GRIP1: variants seen among roughly 807,000 people sequenced by gnomAD.
The protein encoded by GRIP1 is glutamate receptor interacting protein 1.
Under a neutral mutation model 129.9 loss-of-function variants are expected in GRIP1, and 45 were observed. The ratio of observed to expected loss-of-function variants is 0.35; its 90% CI spans 0.27 to 0.44. GRIP1 has a LOEUF of 0.44. GRIP1 is among the 20% of genes least tolerant of loss of function. The pLI, the probability that GRIP1 is intolerant of heterozygous loss-of-function variation, is 1.00. For synonymous variants in GRIP1, 530 were observed against 520.8 expected, an observed-to-expected ratio of 1.02 and a Z score of -0.24; for missense variants, 1,196 against 1,396.8, an observed-to-expected ratio of 0.86 and a Z score of 2.29.
intron 1 of GRIP1, among the ~76,000 whole-genome samples, chr12:66,984,886 C>T (rs1366259308): frequency 2.0e-5 from 3 of 152,200 alleles, no homozygotes; most frequent in African/African-American, 7.2e-5. Context: ...TTTTAAACTA[C>T]AGCAACCATT....
chr12:66,526,257 C>G (rs1344002998), intron 5 of GRIP1, among the ~76,000 whole-genome samples: 7 of 151,030 alleles, frequency 4.6e-5, no homozygotes, highest in African/African-American at 1.7e-4. Context: ...CTGGAGGCAT[C>G]AAGCTACCTG....
At chr12:67,023,782 G>A (rs1447587473) in intron 1 of GRIP1, among the ~76,000 whole-genome samples, 1 of 152,092 alleles carries the variant, frequency 6.6e-6, no homozygotes, top group East Asian at 1.9e-4. Context: ...CAATGCCCCA[G>A]GCTCCAGCGG....
intron 1 of GRIP1, among the ~76,000 whole-genome samples, chr12:66,733,768 A>C (rs1443799264): frequency 6.6e-6 from 1 of 152,242 alleles, no homozygotes; most frequent in Non-Finnish European, 1.5e-5. Context: ...AATGGATATG[A>C]CATCCCACTG....
chr12:67,008,749 G>A (rs992174745), intron 1 of GRIP1, among the ~76,000 whole-genome samples: 1 of 152,120 alleles, frequency 6.6e-6, no homozygotes, highest in East Asian at 1.9e-4. Flanking sequence ...AAGTGCTAAA[G>A]AAACTATAGA....
intron 5 of GRIP1, among the ~76,000 whole-genome samples, chr12:66,521,995 C>A (rs1394205216): frequency 6.6e-6 from 1 of 152,224 alleles, no homozygotes; most frequent in Non-Finnish European, 1.5e-5. Flanking sequence ...GTAAACAAAG[C>A]AGCTGGGAAG....
intron 11 of GRIP1, among the ~76,000 whole-genome samples, chr12:66,450,765 TAA>T (rs774043086): frequency 1.3e-5 from 2 of 152,124 alleles, no homozygotes; most frequent in East Asian, 1.9e-4. Flanking sequence ...GTTACACATA[TAA>T]AAGTTTTGAA....
intron 1 of GRIP1, among the ~76,000 whole-genome samples, chr12:66,809,373 T>C (rs2039059080): frequency 6.6e-6 from 1 of 152,218 alleles, no homozygotes; most frequent in South Asian, 2.1e-4. Flanking sequence ...ACACACAGTC[T>C]ATAAGAGAAA....
At chr12:67,045,115 C>T (rs1712272430) in intron 1 of GRIP1, among the ~76,000 whole-genome samples, 2 of 152,178 alleles carry the variant, frequency 1.3e-5, no homozygotes, top group Admixed American at 6.5e-5. Context: ...GAAAATGTAA[C>T]ACAGCACATT....
chr12:67,064,092 G>A (rs1040910445), intron 1 of GRIP1, among the ~76,000 whole-genome samples: 5 of 152,168 alleles, frequency 3.3e-5, no homozygotes, highest in Admixed American at 3.3e-4. Flanking sequence ...TACTTAAAAT[G>A]TAGTCAAATA....
intron 7 of GRIP1, among the ~76,000 whole-genome samples, chr12:66,496,460 A>T (rs779752967): frequency 2.6e-5 from 4 of 152,212 alleles, no homozygotes; most frequent in Admixed American, 6.5e-5. Context: ...GTTATCTAAA[A>T]TAGGAGGGCT....
chr12:66,578,418 T>C (rs761491576), intron 2 of GRIP1, among the ~76,000 whole-genome samples: 11 of 151,812 alleles, frequency 7.2e-5, no homozygotes, highest in Non-Finnish European at 1.5e-4. Context: ...GGTCAGTGGG[T>C]GCAGCGCACC....
intron 2 of GRIP1, among the ~76,000 whole-genome samples, chr12:66,542,958 TA>T (rs2061832738): frequency 6.6e-6 from 1 of 152,282 alleles, no homozygotes; most frequent in South Asian, 2.1e-4. Context: ...AAGTGAAATT[TA>T]AAAAAAGATT....
upstream of GRIP1, among the ~76,000 whole-genome samples, chr12:66,681,446 G>A (rs1250885324): frequency 6.6e-6 from 1 of 152,088 alleles, no homozygotes; most frequent in Admixed American, 6.6e-5. Flanking sequence ...CGATCTGTAG[G>A]ATGAAGGTCT....
chr12:66,475,479 C>T (rs1379722072), intron 7 of GRIP1, among the ~76,000 whole-genome samples: 1 of 152,154 alleles, frequency 6.6e-6, no homozygotes, highest in Admixed American at 6.5e-5. Context: ...CCAAGCAGAC[C>T]TAACAGACAT....
chr12:66,512,769 CAG>C (rs1489314094), intron 7 of GRIP1, among the ~76,000 whole-genome samples: 6 of 151,818 alleles, frequency 4.0e-5, no homozygotes, highest in Non-Finnish European at 8.8e-5. Flanking sequence ...CCTAACAAAT[CAG>C]ATATATTAAA....
chr12:67,027,319 C>A (rs2042954540), intron 1 of GRIP1, among the ~76,000 whole-genome samples: 1 of 152,214 alleles, frequency 6.6e-6, no homozygotes, highest in South Asian at 2.1e-4. Context: ...CCTATCACCA[C>A]ACGTGGTCAC....
chr12:66,959,980 T>C (rs972306945), intron 1 of GRIP1, among the ~76,000 whole-genome samples: 1 of 151,032 alleles, frequency 6.6e-6, no homozygotes, highest in African/African-American at 2.4e-5. Context: ...GCTCGGAGGG[T>C]GATTGGGAGG....
intron 1 of GRIP1, among the ~76,000 whole-genome samples, chr12:66,910,571 G>A (rs896055417): frequency 2.0e-5 from 3 of 151,826 alleles, no homozygotes; most frequent in Non-Finnish European, 2.9e-5. Flanking sequence ...GTTGGGTCTC[G>A]GTGTGAACAT....
intron 1 of GRIP1, among the ~76,000 whole-genome samples, chr12:66,750,653 T>A (rs1456527441): frequency 2.0e-5 from 3 of 152,200 alleles, no homozygotes; most frequent in Non-Finnish European, 4.4e-5. Flanking sequence ...GGTTTGACAC[T>A]GTGCAGCTTT....
Sources: allele counts gnomAD v4.1 joint callset (sites outside exome capture counted in the v4.1 genomes callset), GRCh38; gene constraint gnomAD v4.1.1; transcripts MANE v1.5; gene names NCBI Gene and HGNC (gene_info 2026-07-23, HGNC 2026-07-21).